The following VWA3A variants were observed in gnomAD, a reference collection of about 807,000 sequenced individuals.
VWA3A encodes the protein von Willebrand factor A domain-containing protein 3A.
VWA3A carries 134 observed loss-of-function variants against 160.4 expected under a neutral mutation model. The observed-to-expected ratio is 0.84, with a 90% CI of 0.73 to 0.96. The LOEUF is 0.96. VWA3A is among the 40% of genes least tolerant of loss of function. VWA3A has a pLI of 0.00. For synonymous variants in VWA3A, 476 were observed against 543.4 expected (o/e 0.88, Z 1.72); for missense variants, 1,310 against 1,447.9 (o/e 0.90, Z 1.55).
Position 22,148,320 on chromosome 16 carries a change from G to A in VWA3A, c.2984+14G>A, listed in dbSNP as rs746502754. The A allele has an allele frequency of 1.3e-6, 2 of 1,584,986 alleles. No individual in the cohort carries two copies. The highest frequency in any genetic ancestry group is 1.7e-6 in the Non-Finnish European group (2 of 1,165,752). On this transcript the variant is annotated intron_variant, in intron 28 of 33. Coordinates refer to ENST00000389398, the MANE Select transcript of VWA3A (RefSeq NM_173615.5). The stretch of plus-strand genomic sequence containing the variant: ...GTGCTGTGACAGGTAGGAGGCGAGG[G>A]CTGATCAGGAAGATCAAAGGGGCAG...
chr16:22,092,789 G>C (rs1282898154), intron 1 of VWA3A, 138 bp downstream of exon 1: 1 of 1,124,568 alleles, frequency 8.9e-7, no homozygotes, highest in East Asian at 2.8e-5. Flanking sequence ...CGAGCATTGG[G>C]CTAAATGCTG....
intron 30 of VWA3A, among the ~76,000 whole-genome samples, chr16:22,151,862 G>A (rs1313274578): frequency 1.3e-5 from 2 of 152,106 alleles, no homozygotes; most frequent in Non-Finnish European, 2.9e-5. Flanking sequence ...TGTAATATGT[G>A]TGTCCTTTAC....
At chr16:22,155,993 T>A (rs1476530114) in intron 33 of VWA3A, 39 bp from the exon 34 acceptor site, 1 of 1,480,694 alleles carries the variant, frequency 6.8e-7, no homozygotes, top group African/African-American at 1.4e-5. Flanking sequence ...TTGTGGTCAA[T>A]AATAACTTTG....
At chr16:22,141,764 G>A (rs150121406) in intron 24 of VWA3A, 72 bp downstream of exon 24, 94 of 1,332,130 alleles carry the variant, frequency 7.1e-5, no homozygotes, top group Middle Eastern at 1.9e-4. Flanking sequence ...AGCAGGTACC[G>A]TGGGAAGGAG....
At chr16:22,152,451 G>T in intron 30 of VWA3A, 60 bp from the exon 31 acceptor site, 1 of 1,596,318 alleles carries the variant, frequency 6.3e-7, no homozygotes, top group Non-Finnish European at 8.5e-7. Flanking sequence ...GACGTGGGGA[G>T]TCACACGAAC....
At chr16:22,116,424 A>AAAGAGAGAGG in intron 9 of VWA3A, 1 of 452,822 alleles carries the variant, frequency 2.2e-6, no homozygotes, top group South Asian at 1.7e-5. Flanking sequence ...AGGAAAAAGG[A>AAAGAGAGAGG]AAGAGAGAGG....
intron 19 of VWA3A, 146 bp downstream of exon 19, chr16:22,131,875 C>T (rs942406886): frequency 1.6e-6 from 2 of 1,213,428 alleles, no homozygotes; most frequent in South Asian, 1.7e-5. Flanking sequence ...CCTAAGGATG[C>T]TGTTAAAATG....
In VWA3A at chr16:22,138,067, G is replaced by A. The variant is rs140089751; in HGVS notation, c.2140-293G>A. Among the ~76,000 whole-genome samples the A allele has an allele frequency of 3.3e-3, 510 of 152,254 alleles. 6 individuals are homozygous for A. The highest frequency in any genetic ancestry group is 0.024 in the Middle Eastern group (7 of 294). ...TTCCTCATCTGTAAAATGGGGAGACGACACACCTACCCTATCGGCATAGCT... is the reference window on the plus strand; with the variant it reads ...TTCCTCATCTGTAAAATGGGGAGACAACACACCTACCCTATCGGCATAGCT... On this transcript the variant is annotated intron_variant, in intron 21 of 33. Coordinates refer to ENST00000389398, the MANE Select transcript of VWA3A (RefSeq NM_173615.5).
intron 19 of VWA3A, among the ~76,000 whole-genome samples, chr16:22,132,175 G>A (rs1323204493): frequency 6.6e-6 from 1 of 152,096 alleles, no homozygotes; most frequent in African/African-American, 2.4e-5. Flanking sequence ...CCTGAGGTCG[G>A]GAGTTTGAGG....
At chr16:22,124,824 G>C (rs7191766) in intron 16 of VWA3A, among the ~76,000 whole-genome samples, 3 of 151,856 alleles carry the variant, frequency 2.0e-5, no homozygotes, top group Non-Finnish European at 4.4e-5. Flanking sequence ...ACAGCTGGTA[G>C]GAAGCGGAAC....
intron 6 of VWA3A, among the ~76,000 whole-genome samples, chr16:22,107,562 T>C (rs2045498799): frequency 6.6e-6 from 1 of 151,838 alleles, no homozygotes; most frequent in African/African-American, 2.4e-5. Context: ...GGCAATGCAG[T>C]AAGACCCTAT....
chr16:22,149,767 C>T lies in VWA3A; in HGVS notation c.2985-20C>T. The T allele has an allele frequency of 6.3e-7, 1 of 1,581,748 alleles. No homozygotes were observed. The highest frequency in any genetic ancestry group is 1.1e-5 in the South Asian group (1 of 87,868). ...TTCTCCCCTTCTCTGCCCCTCACCT[C>T]CTCTTTTCCTCCTCCCCAGTTTTAA... On this transcript the variant is annotated intron_variant, in intron 28 of 33. Coordinates refer to ENST00000389398, the MANE Select transcript of VWA3A (RefSeq NM_173615.5).
chr16:22,135,621 G>A (rs1381504343), intron 21 of VWA3A, among the ~76,000 whole-genome samples: 5 of 152,026 alleles, frequency 3.3e-5, no homozygotes, highest in Admixed American at 1.3e-4. Context: ...ATTGGTTTTA[G>A]GTCTGTGTGC....
Position 22,149,671 on chromosome 16 carries a change from G to A in VWA3A, c.2985-116G>A, listed in dbSNP as rs769208052. The A allele has an allele frequency of 3.6e-4, 466 of 1,308,032 alleles. 1 individual carries two copies. Among genetic ancestry groups the A allele is most frequent in the Non-Finnish European group, 4.2e-4 (421 of 996,942 alleles). 81.0% of individuals were successfully genotyped at this position (1,308,032 alleles called of 1,614,324 possible). On this transcript the variant is annotated intron_variant, in intron 28 of 33. Coordinates refer to ENST00000389398, the MANE Select transcript of VWA3A (RefSeq NM_173615.5). ...GCTCGTTGTAGGGGTCTTCAGTGAC[G>A]AGCAAGAATAGTCCTCATGAGGGTA... is the stretch of plus-strand genomic sequence containing the variant.
chr16:22,130,957 A>G (rs1464617387), intron 17 of VWA3A, among the ~76,000 whole-genome samples: 1 of 152,170 alleles, frequency 6.6e-6, no homozygotes, highest in Non-Finnish European at 1.5e-5. Flanking sequence ...AGAGGGGGCC[A>G]CACGCCATAG....
At chr16:22,127,876 AAGGTATC>A (rs1292695496) in intron 17 of VWA3A, among the ~76,000 whole-genome samples, 1 of 152,176 alleles carries the variant, frequency 6.6e-6, no homozygotes, top group Non-Finnish European at 1.5e-5. Flanking sequence ...ATGGGACTGC[AAGGTATC>A]AGTGGCAGGA....
At chr16:22,102,360 G>T (rs200358867) in intron 5 of VWA3A, among the ~76,000 whole-genome samples, 2 of 98,844 alleles carry the variant, frequency 2.0e-5, no homozygotes. Context: ...CAAATAAAAA[G>T]AAGAAGAAGA....
chr16:22,151,031 G>A (rs2046339841), intron 30 of VWA3A, among the ~76,000 whole-genome samples, 185 bp downstream of exon 30: 1 of 152,130 alleles, frequency 6.6e-6, no homozygotes. Flanking sequence ...TGTAATCCCA[G>A]CATTTTGGGA....
intron 9 of VWA3A, chr16:22,116,241 GA>G: frequency 5.2e-6 from 2 of 387,592 alleles, no homozygotes; most frequent in Non-Finnish European, 9.7e-6. Flanking sequence ...AGAAAGGAAA[GA>G]AGGAAAGATG....
Sources: allele counts gnomAD v4.1 joint callset (sites outside exome capture counted in the v4.1 genomes callset), GRCh38; gene constraint gnomAD v4.1.1; transcripts MANE v1.5; gene names NCBI Gene and HGNC (gene_info 2026-07-23, HGNC 2026-07-21).